The following TTBK2 variants were observed in gnomAD, a reference collection of about 807,000 sequenced individuals.
TTBK2 encodes the protein tau tubulin kinase 2, also known as tau-tubulin kinase 2.
In TTBK2, 28 loss-of-function variants were observed where a neutral mutation model predicts 110.8. The ratio of observed to expected loss-of-function variants is 0.25; its 90% CI spans 0.19 to 0.35. The LOEUF (loss-of-function observed/expected upper bound fraction) is 0.35, where lower values mean the gene tolerates loss of function less well. Among genes scored for constraint, TTBK2 ranks in the 10% least tolerant of loss-of-function variants. The pLI is 1.00. For synonymous variants in TTBK2, 532 were observed against 527.3 expected (o/e 1.01, Z -0.12); for missense variants, 1,369 against 1,500.3 (o/e 0.91, Z 1.45).
chr15:42,809,934 T>C (rs968541365), intron 9 of TTBK2, among the ~76,000 whole-genome samples: 1 of 152,252 alleles, frequency 6.6e-6, no homozygotes, highest in Admixed American at 6.5e-5. Flanking sequence ...AGTCTATGTA[T>C]TGTCCTTTGT....
chr15:42,865,075 G>A (rs1470871952), intron 3 of TTBK2, among the ~76,000 whole-genome samples: 4 of 151,974 alleles, frequency 2.6e-5, no homozygotes, highest in Non-Finnish European at 2.9e-5. Context: ...AAGTGGACTT[G>A]GATTAGTTAT....
chr15:42,783,434 C>T lies in TTBK2; in HGVS notation c.1182G>A (p.Lys394=), dbSNP rs1304239509. ...GTACTCATACCTTACAAATTCCAAG[C>T]TTTATCTTGTTTTTGTTGGCATCCA... ...EEMDANKNKI[K]LGICKAATEE... is the part of the protein sequence containing the mutation. Residue 394 remains lysine, a synonymous_variant, in exon 11 of 15, where the codon AAG becomes AAA. Transcript: ENST00000267890. 1.2e-6 allele frequency: 2 copies of T among 1,613,880 alleles called. No homozygotes were observed. Among genetic ancestry groups the T allele is most frequent in the East Asian group, 2.2e-5 (1 of 44,884 alleles).
At chr15:42,904,055 T>C (rs1824971446) in intron 1 of TTBK2, among the ~76,000 whole-genome samples, 1 of 152,164 alleles carries the variant, frequency 6.6e-6, no homozygotes, top group Non-Finnish European at 1.5e-5. Context: ...CAGAATGAGC[T>C]TGGAAATAGA....
At chr15:42,859,173 C>T (rs1170427663) in intron 3 of TTBK2, among the ~76,000 whole-genome samples, 1 of 152,104 alleles carries the variant, frequency 6.6e-6, no homozygotes, top group African/African-American at 2.4e-5. Flanking sequence ...GGCATAATCA[C>T]AGCTCACTGC....
chr15:42,810,411 T>C (rs1211942891), intron 9 of TTBK2, among the ~76,000 whole-genome samples: 2 of 152,134 alleles, frequency 1.3e-5, no homozygotes, highest in African/African-American at 4.8e-5. Context: ...TGAAGTTAAG[T>C]CCATCCAGAG....
intron 3 of TTBK2, among the ~76,000 whole-genome samples, chr15:42,846,955 A>G (rs1448888060): frequency 6.6e-6 from 1 of 152,188 alleles, no homozygotes; most frequent in East Asian, 1.9e-4. Flanking sequence ...CCACTCCCCC[A>G]TACCTCACAC....
intron 1 of TTBK2, among the ~76,000 whole-genome samples, chr15:42,912,118 T>C (rs886435914): frequency 7.2e-5 from 11 of 152,114 alleles, no homozygotes; most frequent in African/African-American, 2.4e-4. Context: ...AGGGTGCTTA[T>C]TGGGAGAAAG....
chr15:42,888,729 T>G (rs1213546283), intron 1 of TTBK2, among the ~76,000 whole-genome samples: 1 of 152,178 alleles, frequency 6.6e-6, no homozygotes, highest in Admixed American at 6.5e-5. Context: ...GTCTCTTTAA[T>G]AGAAACTCTT....
At position 42,751,996 on chromosome 15, in the gene TTBK2, T is replaced by A. The variant is rs1365988168; in HGVS notation, c.3250A>T (p.Thr1084Ser). 8.7e-6 allele frequency: 14 copies of A among 1,614,130 alleles called. No homozygotes were observed. In the South Asian group the frequency reaches 1.5e-4, roughly 18 times the overall value. The stretch of plus-strand genomic sequence containing the variant: ...TACCTGGCTTCTACTCCAGGCCTCG[T>A]GGGTGGCTTTCCTGGTGGTGGCCGA... ...FPRPPPGKPP[T>S]RPGVEARLRR... is the part of the protein sequence containing the mutation. Residue 1084 changes from threonine (T) to serine (S), a missense_variant, in exon 14 of 15, where the codon ACG becomes TCG. Around this residue, in one of 4 missense-constraint regions of TTBK2, gnomAD observed 1,097 missense variants for 1,114.7 expected, o/e 0.98. Transcript: ENST00000267890.
chr15:42,821,864 G>C (rs1892319276), intron 6 of TTBK2, among the ~76,000 whole-genome samples: 1 of 151,740 alleles, frequency 6.6e-6, no homozygotes, highest in African/African-American at 2.4e-5. Context: ...CTAATTTTTT[G>C]TATTTTTAGT....
chr15:42,801,816 A>C (rs764401491), intron 9 of TTBK2: 1 of 847,662 alleles, frequency 1.2e-6, no homozygotes, highest in South Asian at 1.3e-5. Context: ...CTTCATCTAC[A>C]TACTCCTTGA....
At chr15:42,890,756 C>A (rs1406136635) in intron 1 of TTBK2, among the ~76,000 whole-genome samples, 3 of 152,184 alleles carry the variant, frequency 2.0e-5, no homozygotes, top group Non-Finnish European at 4.4e-5. Flanking sequence ...AAGCATATGA[C>A]TACATGACTA....
intron 1 of TTBK2, among the ~76,000 whole-genome samples, chr15:42,897,920 C>T (rs929380763): frequency 6.6e-5 from 10 of 151,710 alleles, no homozygotes; most frequent in Middle Eastern, 3.2e-3. Context: ...CCAGGCGCAG[C>T]GGCTCATGGC....
chr15:42,881,994 T>C (rs966921877), intron 1 of TTBK2, among the ~76,000 whole-genome samples: 3 of 151,888 alleles, frequency 2.0e-5, no homozygotes, highest in African/African-American at 7.3e-5. Context: ...GGAAGATAAA[T>C]CTATAGCAAT....
At chr15:42,785,503 A>G (rs1890371336) in intron 10 of TTBK2, among the ~76,000 whole-genome samples, 1 of 152,188 alleles carries the variant, frequency 6.6e-6, no homozygotes, top group Non-Finnish European at 1.5e-5. Context: ...CCTAGAGGGG[A>G]AACTAGACTT....
chr15:42,750,047 C>T (rs1290428873), intron 14 of TTBK2, among the ~76,000 whole-genome samples: 1 of 152,158 alleles, frequency 6.6e-6, no homozygotes, highest in Admixed American at 6.5e-5. Flanking sequence ...GATTATTCCA[C>T]TGCACTCCAG....
intron 2 of TTBK2, among the ~76,000 whole-genome samples, chr15:42,877,659 CT>C (rs35874884): frequency 2.6e-5 from 4 of 151,900 alleles, no homozygotes; most frequent in Non-Finnish European, 4.4e-5. Context: ...GAAATGATTA[CT>C]TTTTTTTAGT....
At chr15:42,819,499 C>T (rs567874164) in intron 6 of TTBK2, among the ~76,000 whole-genome samples, 2 of 152,306 alleles carry the variant, frequency 1.3e-5, no homozygotes, top group African/African-American at 4.8e-5. Context: ...TAAATACTCT[C>T]TTTCCCTTTA....
At chr15:42,799,008 TG>T (rs954833924) in intron 9 of TTBK2, among the ~76,000 whole-genome samples, 3 of 152,172 alleles carry the variant, frequency 2.0e-5, no homozygotes, top group Non-Finnish European at 4.4e-5. Context: ...AAATGCTGAC[TG>T]GGGCATTTCG....
Sources: allele counts gnomAD v4.1 joint callset (sites outside exome capture counted in the v4.1 genomes callset), GRCh38; gene constraint gnomAD v4.1.1; regional missense constraint gnomAD v4.1.1; transcripts MANE v1.5; gene names NCBI Gene and HGNC (gene_info 2026-07-23, HGNC 2026-07-21).